The following UBE2R2 variants were observed in gnomAD, a reference collection of about 807,000 sequenced individuals.
UBE2R2 encodes the protein ubiquitin conjugating enzyme E2 R2.
Under a neutral mutation model 27.8 loss-of-function variants are expected in UBE2R2, and 1 was observed. The observed-to-expected ratio is 0.04, with a 90% confidence interval of 0.01 to 0.17. The LOEUF (loss-of-function observed/expected upper bound fraction) is 0.17, where lower values mean the gene tolerates loss of function less well. Ranked by LOEUF, UBE2R2 falls within the 10% of genes least tolerant of loss-of-function variation. The pLI is 1.00. For synonymous variants in UBE2R2, 106 were observed against 113.3 expected, an observed-to-expected ratio of 0.94 and a Z score of 0.41; for missense variants, 100 against 291.0, an observed-to-expected ratio of 0.34 and a Z score of 4.78.
chr9:33,904,187 G>A, intron 3 of UBE2R2, among the ~76,000 whole-genome samples: 1 of 152,216 alleles, frequency 6.6e-6, no homozygotes, highest in East Asian at 1.9e-4. Context: ...AGGTTTTAAA[G>A]TAGTAAACTG....
At chr9:33,870,438 C>T (rs10971753) in intron 1 of UBE2R2, among the ~76,000 whole-genome samples, 11,995 of 152,142 alleles carry the variant, frequency 0.079, 683 homozygotes, top group Non-Finnish European at 0.12. Context: ...TTACCATGCC[C>T]GGCTTTTATT....
rs547917293 is a variant in UBE2R2, at chr9:33,870,519, A to C, written c.178-16362A>C. ...TATGATGAGGGTACATTAAATTAAA[A>C]AGAGGATCTTGGGAGGAGCCAAGAA... On this transcript the variant is annotated intron_variant, in intron 1 of 4. Coordinates refer to ENST00000263228, the MANE Select transcript of UBE2R2 (RefSeq NM_017811.4). Among the ~76,000 whole-genome samples, 559 of 152,320 alleles carry C rather than the reference A, an allele frequency of 3.7e-3. 2 individuals carry two copies. Among genetic ancestry groups the C allele is most frequent in the Middle Eastern group, 6.8e-3 (2 of 294 alleles).
chr9:33,816,282 C>A (rs892428554), upstream of UBE2R2, among the ~76,000 whole-genome samples: 7 of 152,126 alleles, frequency 4.6e-5, no homozygotes, highest in African/African-American at 1.7e-4. Flanking sequence ...ACGGGGGGAC[C>A]AAAGACTGTC....
At chr9:33,856,291 G>C (rs929705496) in intron 1 of UBE2R2, among the ~76,000 whole-genome samples, 1 of 152,016 alleles carries the variant, frequency 6.6e-6, no homozygotes, top group Non-Finnish European at 1.5e-5. Flanking sequence ...ATGTAATACT[G>C]TATGTATATG....
At chr9:33,884,231 TC>T (rs1167995953) in intron 1 of UBE2R2, among the ~76,000 whole-genome samples, 36 of 145,758 alleles carry the variant, frequency 2.5e-4, no homozygotes, top group African/African-American at 8.9e-4. Context: ...TCTCTCTCTC[TC>T]TCTTCCCCCT....
chr9:33,842,903 A>G (rs1053716305), intron 1 of UBE2R2, among the ~76,000 whole-genome samples: 1 of 151,776 alleles, frequency 6.6e-6, no homozygotes, highest in Admixed American at 6.6e-5. Context: ...GCCACATGCC[A>G]TGACACATGC....
intron 2 of UBE2R2, among the ~76,000 whole-genome samples, chr9:33,894,210 T>A (rs1477877178): frequency 1.3e-5 from 2 of 152,120 alleles, no homozygotes; most frequent in African/African-American, 4.8e-5. Context: ...GGCAGGAGGA[T>A]TGCTTGAGGC....
chr9:33,879,399 C>G (rs896159911), intron 1 of UBE2R2, among the ~76,000 whole-genome samples: 2 of 152,144 alleles, frequency 1.3e-5, no homozygotes, highest in Non-Finnish European at 2.9e-5. Flanking sequence ...ATCATCTATT[C>G]TACATAAATT....
chr9:33,847,014 GT>G lies in UBE2R2; in HGVS notation c.177+29091del, dbSNP rs1281684177. The stretch of plus-strand genomic sequence containing the variant: ...TATTTTGCTTTTTTTTTTTTTGAAG[GT>G]TTTTTTTTTTCTGGATATAAAATTA... On this transcript the variant is annotated intron_variant, in intron 1 of 4. Coordinates refer to ENST00000263228, the MANE Select transcript of UBE2R2 (RefSeq NM_017811.4). 3.0e-3 allele frequency among the ~76,000 whole-genome samples: 423 copies of G among 138,836 alleles called. 1 individual carries two copies. Among genetic ancestry groups the G allele is most frequent in the African/African-American group, 9.8e-3 (369 of 37,734 alleles). The allele number at this position is 138,836 out of a possible 152,430, so 91.1% of individuals were successfully genotyped here.
At chr9:33,831,727 T>C (rs1174470867) in intron 1 of UBE2R2, among the ~76,000 whole-genome samples, 1 of 152,152 alleles carries the variant, frequency 6.6e-6, no homozygotes, top group Non-Finnish European at 1.5e-5. Flanking sequence ...AGGCGCGGTC[T>C]TGGCTCACTG....
chr9:33,861,853 T>C (rs981456479), intron 1 of UBE2R2, among the ~76,000 whole-genome samples: 1 of 146,302 alleles, frequency 6.8e-6, no homozygotes, highest in East Asian at 2.0e-4. Flanking sequence ...CTTTCTTTTT[T>C]TTTTTTTTTT....
chr9:33,912,181 T>A, intron 4 of UBE2R2, 83 bp downstream of exon 4: 1 of 1,165,104 alleles, frequency 8.6e-7, no homozygotes, highest in Non-Finnish European at 1.2e-6. Context: ...AACTTAAATA[T>A]CCTGTCCATT....
At chr9:33,897,505 A>G (rs1275746685) in intron 2 of UBE2R2, among the ~76,000 whole-genome samples, 5 of 150,760 alleles carry the variant, frequency 3.3e-5, no homozygotes, top group Middle Eastern at 3.5e-3. Context: ...TTTAGTAGAG[A>G]TGGGGTTTCA....
intron 2 of UBE2R2, among the ~76,000 whole-genome samples, chr9:33,890,410 T>TA (rs1274652560): frequency 6.6e-6 from 1 of 152,012 alleles, no homozygotes; most frequent in Non-Finnish European, 1.5e-5. Flanking sequence ...TTACTAAAAA[T>TA]ACAAACATCA....
intron 3 of UBE2R2, among the ~76,000 whole-genome samples, chr9:33,909,196 T>A (rs1395125629): frequency 6.6e-6 from 1 of 151,978 alleles, no homozygotes; most frequent in Admixed American, 6.6e-5. Context: ...CAATTAAACC[T>A]ATTTTTCTGG....
At chr9:33,833,226 G>GGCCGCGAAGCGCA (rs1205899883) in intron 1 of UBE2R2, among the ~76,000 whole-genome samples, 30 of 152,240 alleles carry the variant, frequency 2.0e-4, no homozygotes, top group Middle Eastern at 3.4e-3. Context: ...CACCGTGCCT[G>GGCCGCGAAGCGCA]GCTAATTTTT....
chr9:33,868,434 G>A (rs1181395694), intron 1 of UBE2R2: 1 of 152,136 alleles, frequency 6.6e-6, no homozygotes. Context: ...GGATGTGTGT[G>A]TGTACACACA....
intron 1 of UBE2R2, among the ~76,000 whole-genome samples, chr9:33,873,735 G>C (rs908236795): frequency 3.3e-5 from 5 of 151,950 alleles, no homozygotes; most frequent in Non-Finnish European, 7.4e-5. Flanking sequence ...TGACCTCCCA[G>C]GCTCAAGCGG....
At chr9:33,826,173 A>G (rs1820311899) in intron 1 of UBE2R2, among the ~76,000 whole-genome samples, 1 of 151,962 alleles carries the variant, frequency 6.6e-6, no homozygotes, top group African/African-American at 2.4e-5. Flanking sequence ...TCCTACAGAG[A>G]TTCCTGAGTA....
Sources: allele counts gnomAD v4.1 joint callset (sites outside exome capture counted in the v4.1 genomes callset), GRCh38; gene constraint gnomAD v4.1.1; transcripts MANE v1.5; gene names NCBI Gene and HGNC (gene_info 2026-07-23, HGNC 2026-07-21).